DLGAP1: variants seen among roughly 807,000 people sequenced by gnomAD.
The protein encoded by DLGAP1 is DLG associated protein 1, also known as disks large-associated protein 1.
Under a neutral mutation model 90.8 loss-of-function variants are expected in DLGAP1, and 11 were observed. That is an observed-to-expected ratio of 0.12 (90% CI 0.08 to 0.20). The LOEUF is 0.20. Ranked by LOEUF, DLGAP1 falls within the 10% of genes least tolerant of loss-of-function variation. The probability of loss-of-function intolerance (pLI) is 1.00; values close to 1 mark genes in which losing one functional copy is unlikely to be tolerated. For synonymous variants in DLGAP1, 558 were observed against 540.7 expected, an observed-to-expected ratio of 1.03 and a Z score of -0.44; for missense variants, 1,050 against 1,333.8, an observed-to-expected ratio of 0.79 and a Z score of 3.31.
At chr18:4,043,016 T>C (rs1365958652) in intron 2 of DLGAP1, among the ~76,000 whole-genome samples, 1 of 152,260 alleles carries the variant, frequency 6.6e-6, no homozygotes, top group Non-Finnish European at 1.5e-5. Context: ...CATTTTATGT[T>C]CCAACCACTA....
chr18:4,382,546 T>G (rs1336828336), intron 1 of DLGAP1, among the ~76,000 whole-genome samples: 1 of 151,700 alleles, frequency 6.6e-6, no homozygotes, highest in African/African-American at 2.4e-5. Flanking sequence ...GAAAGTTCCT[T>G]ACTCTGTAAC....
intron 1 of DLGAP1, among the ~76,000 whole-genome samples, chr18:4,354,017 A>C (rs2081452211): frequency 6.6e-6 from 1 of 152,210 alleles, no homozygotes; most frequent in African/African-American, 2.4e-5. Context: ...GCAAAACAGC[A>C]GTGTGAACTG....
chr18:3,828,377 C>T (rs549605112), intron 4 of DLGAP1, among the ~76,000 whole-genome samples: 6 of 152,302 alleles, frequency 3.9e-5, no homozygotes, highest in East Asian at 3.9e-4. Context: ...CAGTGGCTCA[C>T]GCCTGTAATC....
intron 2 of DLGAP1, among the ~76,000 whole-genome samples, chr18:4,010,007 A>G (rs1281346460): frequency 6.6e-6 from 1 of 152,258 alleles, no homozygotes; most frequent in Non-Finnish European, 1.5e-5. Flanking sequence ...AAGATCATGC[A>G]AATTCTATTC....
At chr18:3,532,238 T>C (rs778338148) in intron 10 of DLGAP1, among the ~76,000 whole-genome samples, 1 of 152,008 alleles carries the variant, frequency 6.6e-6, no homozygotes, top group African/African-American at 2.4e-5. Flanking sequence ...AGGTGACGAG[T>C]ACATGGGGAC....
At chr18:4,419,490 GA>G in intron 1 of DLGAP1, among the ~76,000 whole-genome samples, 1 of 152,282 alleles carries the variant, frequency 6.6e-6, no homozygotes, top group African/African-American at 2.4e-5. Context: ...AAGAAATAAA[GA>G]GTGCTGAAAA....
intron 1 of DLGAP1, among the ~76,000 whole-genome samples, chr18:4,437,235 A>G (rs1210654523): frequency 6.6e-6 from 1 of 152,192 alleles, no homozygotes; most frequent in African/African-American, 2.4e-5. Flanking sequence ...ATAATCAATA[A>G]AGCCTCACAA....
intron 1 of DLGAP1, among the ~76,000 whole-genome samples, chr18:4,208,263 A>ATTGTG (rs2077762481): frequency 6.6e-6 from 1 of 152,228 alleles, no homozygotes; most frequent in Admixed American, 6.5e-5. Context: ...ATCTAAAATA[A>ATTGTG]TTTCCATAGA....
At chr18:4,006,570 A>G (rs2074305459) in intron 2 of DLGAP1, among the ~76,000 whole-genome samples, 1 of 152,010 alleles carries the variant, frequency 6.6e-6, no homozygotes, top group South Asian at 2.1e-4. Context: ...AGTTATCGCA[A>G]GCAGCCTAAC....
In DLGAP1 at chr18:3,923,241, C is replaced by T. The variant is rs183447582; in HGVS notation, c.-72-43101G>A. ...AAGAACAGGGTCTTCTCCAGTCTTA[C>T]CAGTCCTGGGTATAATAAACTCTTA... On this transcript the variant is annotated intron_variant, in intron 3 of 12. Transcript: ENST00000315677. Among the ~76,000 whole-genome samples the T allele has an allele frequency of 7.9e-5, 12 of 151,336 alleles. 1 individual carries two copies. Among genetic ancestry groups the T allele is most frequent in the African/African-American group, 2.9e-4 (12 of 41,278 alleles).
chr18:4,082,837 T>C (rs1021727833), intron 2 of DLGAP1, among the ~76,000 whole-genome samples: 2 of 152,100 alleles, frequency 1.3e-5, no homozygotes, highest in African/African-American at 2.4e-5. Context: ...GCTGGCTTCA[T>C]TGACGTGCCG....
intron 1 of DLGAP1, among the ~76,000 whole-genome samples, chr18:4,241,272 A>G (rs1315496347): frequency 6.6e-6 from 1 of 152,156 alleles, no homozygotes; most frequent in Admixed American, 6.5e-5. Flanking sequence ...GGTCACTCCT[A>G]GAGTTCTTGA....
chr18:3,611,143 AGT>A (rs1288242340), intron 7 of DLGAP1, among the ~76,000 whole-genome samples: 1 of 151,698 alleles, frequency 6.6e-6, no homozygotes, highest in Non-Finnish European at 1.5e-5. Context: ...AAAAAAAAAA[AGT>A]GTATACTTTT....
intron 1 of DLGAP1, among the ~76,000 whole-genome samples, chr18:4,325,159 C>T (rs1056218341): frequency 2.0e-5 from 3 of 152,140 alleles, no homozygotes; most frequent in East Asian, 1.9e-4. Context: ...ACAACTTTAG[C>T]AAAGTTTCAG....
At chr18:4,163,790 C>T (rs2076887035) in intron 1 of DLGAP1, among the ~76,000 whole-genome samples, 1 of 152,158 alleles carries the variant, frequency 6.6e-6, no homozygotes, top group South Asian at 2.1e-4. Flanking sequence ...ACATTTTCTT[C>T]CATACTTTTC....
intron 3 of DLGAP1, among the ~76,000 whole-genome samples, chr18:3,925,958 A>T (rs2072372400): frequency 6.6e-6 from 1 of 152,240 alleles, no homozygotes; most frequent in Non-Finnish European, 1.5e-5. Flanking sequence ...TGGGACAGCA[A>T]TTCGGAATCA....
chr18:4,062,560 G>T (rs2143314485), intron 2 of DLGAP1, among the ~76,000 whole-genome samples: 1 of 152,250 alleles, frequency 6.6e-6, no homozygotes, highest in South Asian at 2.1e-4. Context: ...TATTATCTGA[G>T]ATTTCTTATG....
At chr18:3,666,619 C>A (rs963232729) in intron 7 of DLGAP1, among the ~76,000 whole-genome samples, 14 of 152,190 alleles carry the variant, frequency 9.2e-5, no homozygotes, top group African/African-American at 3.4e-4. Context: ...CTTGGTTTGA[C>A]AAGACATGGA....
chr18:3,583,884 G>GT (rs1249544921), intron 7 of DLGAP1, among the ~76,000 whole-genome samples: 1 of 152,160 alleles, frequency 6.6e-6, no homozygotes, highest in African/African-American at 2.4e-5. Context: ...GGGGGAGGAG[G>GT]TTGCAGTGAG....
Sources: gnomAD v4.1 joint callset for allele counts (sites outside exome capture counted in the v4.1 genomes callset) on GRCh38, gnomAD v4.1.1 for gene constraint, MANE v1.5 for transcripts, NCBI Gene and HGNC (gene_info 2026-07-23, HGNC 2026-07-21) for gene names.